SLIT1: variants seen among roughly 807,000 people sequenced by gnomAD.
The protein encoded by SLIT1 is slit homolog 1 protein.
SLIT1 carries 66 observed loss-of-function variants against 186.1 expected under a neutral mutation model. The ratio of observed to expected loss-of-function variants is 0.35; its 90% CI spans 0.29 to 0.44. The LOEUF is 0.44. Ranked by LOEUF, SLIT1 falls within the 20% of genes least tolerant of loss-of-function variation. The probability of loss-of-function intolerance (pLI) is 1.00; values close to 1 mark genes in which losing one functional copy is unlikely to be tolerated. For missense variants in SLIT1, 1,638 were observed against 2,037.4 expected (o/e 0.80, Z 3.77); for synonymous variants, 761 against 833.8 (o/e 0.91, Z 1.50).
chr10:97,114,743 T>C (rs1198767662), intron 4 of SLIT1, among the ~76,000 whole-genome samples: 1 of 152,186 alleles, frequency 6.6e-6, no homozygotes, highest in African/African-American at 2.4e-5. Context: ...GGAAGAGTCC[T>C]AAGGAAGCTC....
intron 4 of SLIT1, among the ~76,000 whole-genome samples, chr10:97,125,392 C>T (rs553735590): frequency 6.6e-6 from 1 of 152,100 alleles, no homozygotes; most frequent in East Asian, 1.9e-4. Context: ...AAAAATTAGC[C>T]AGGCCTGGTG....
rs1037149277 is a variant in SLIT1 at position 97,031,648 on chromosome 10, A to G, written c.2468T>C (p.Ile823Thr). ...LILSYNALQCIPPLAFQGLRS... is the reference protein window; with the variant it reads ...LILSYNALQCTPPLAFQGLRS... ...GAGTCCCTGGAAGGCCAAAGGCGGG[A>G]TGCACTGCAGGGCATTGTAGCTGAG... Residue 823 changes from isoleucine (I) to threonine (T), a missense_variant, in exon 24 of 37, where the codon ATC (isoleucine) becomes ACC (threonine). By Grantham distance (89) the Ile-to-Thr change is moderately conservative (BLOSUM62 -1). This residue lies in a region of SLIT1 where 1,245 missense variants were observed against 1,535.3 expected (regional missense o/e 0.81). Transcript: ENST00000266058. The G allele has an allele frequency of 3.9e-6, 6 of 1,552,174 alleles. No homozygotes were observed. The highest frequency in any genetic ancestry group is 4.4e-6 in the Non-Finnish European group (5 of 1,147,188).
In SLIT1 at chr10:97,039,840, C is replaced by A. The variant is rs965047907; in HGVS notation, c.2297+148G>T. The A allele has an allele frequency of 9.5e-6, 8 of 839,526 alleles. No homozygotes were observed. In the African/African-American group the frequency reaches 1.3e-4, roughly 13 times the overall value. 52.0% of individuals were successfully genotyped at this position (839,526 alleles called of 1,614,324 possible). On this transcript the variant is annotated intron_variant, in intron 21 of 36. Transcript: ENST00000266058. The stretch of plus-strand genomic sequence containing the variant: ...GCCTTTCTGGAGGCAGTGTTTTCTG[C>A]AAAGCCCGAACTCCAGCTCCTAGTC...
intron 28 of SLIT1, among the ~76,000 whole-genome samples, chr10:97,017,542 G>T (rs1646467003): frequency 6.6e-6 from 1 of 152,244 alleles, no homozygotes; most frequent in African/African-American, 2.4e-5. Flanking sequence ...TAAGAGATGG[G>T]GTCATTAGGG....
At chr10:97,128,405 GCT>G in intron 4 of SLIT1, among the ~76,000 whole-genome samples, 1 of 152,128 alleles carries the variant, frequency 6.6e-6, no homozygotes, top group Non-Finnish European at 1.5e-5. Flanking sequence ...ACGTGTGCAT[GCT>G]CACACTCTCC....
intron 3 of SLIT1, among the ~76,000 whole-genome samples, chr10:97,160,762 C>T (rs1850014244): frequency 6.6e-6 from 1 of 152,144 alleles, no homozygotes; most frequent in African/African-American, 2.4e-5. Context: ...GCTCTGTCGC[C>T]CAGGCTGGAC....
rs530247586 is a variant in SLIT1 at position 97,028,398 on chromosome 10, G to A, written c.2582+2359C>T. On this transcript the variant is annotated intron_variant, in intron 25 of 36. Transcript: ENST00000266058. Reference sequence around the variant, plus strand: ...GCAAACTCCCTAGCAGGCACAAATGGTCCTTCACAACAGAATTCCAATGTC... The same window carrying A: ...GCAAACTCCCTAGCAGGCACAAATGATCCTTCACAACAGAATTCCAATGTC... Among the ~76,000 whole-genome samples the A allele has an allele frequency of 1.2e-3, 182 of 151,844 alleles. 1 individual carries two copies. Among genetic ancestry groups the A allele is most frequent in the Non-Finnish European group, 2.1e-3 (146 of 67,936 alleles).
At chr10:97,166,660 G>GA (rs757719224) in intron 1 of SLIT1, among the ~76,000 whole-genome samples, 1 of 146,586 alleles carries the variant, frequency 6.8e-6, no homozygotes, top group Non-Finnish European at 1.5e-5. Context: ...GAAAAGAAAA[G>GA]AAAAGAGAAA....
Position 97,034,521 on chromosome 10 carries a change from G to A in SLIT1, c.2388C>T (p.Ile796=), listed in dbSNP as rs1289330200. ...LQLVDLSNNK[I]SSLSNSSFTN... is the part of the protein sequence containing the mutation. ...TGAAGGAGGAATTGCTTAAGGAACTGATCTTGTTGTTGCTCAGGTCCCTGG... is the reference window on the plus strand; with the variant it reads ...TGAAGGAGGAATTGCTTAAGGAACTAATCTTGTTGTTGCTCAGGTCCCTGG... Residue 796 remains isoleucine (I), a synonymous_variant, in exon 23 of 37, where the codon ATC becomes ATT. Coordinates refer to ENST00000266058, the MANE Select transcript of SLIT1 (RefSeq NM_003061.3). 1 of 1,613,630 alleles carries A rather than the reference G, an allele frequency of 6.2e-7. No individual in the cohort carries two copies. The highest frequency in any genetic ancestry group is 2.2e-5 in the East Asian group (1 of 44,840).
chr10:97,120,354 A>G (rs547178639), intron 4 of SLIT1, among the ~76,000 whole-genome samples: 16 of 152,226 alleles, frequency 1.1e-4, no homozygotes, highest in African/African-American at 3.9e-4. Flanking sequence ...CTCCTTTCCA[A>G]TGTCTGCTTT....
intron 4 of SLIT1, among the ~76,000 whole-genome samples, chr10:97,079,537 G>A (rs1849082717): frequency 6.6e-6 from 1 of 152,220 alleles, no homozygotes; most frequent in Non-Finnish European, 1.5e-5. Flanking sequence ...AGTCCCTGCT[G>A]GAGGAGACAA....
At chr10:97,135,559 G>T (rs1171131986) in intron 4 of SLIT1, among the ~76,000 whole-genome samples, 1 of 152,176 alleles carries the variant, frequency 6.6e-6, no homozygotes, top group Non-Finnish European at 1.5e-5. Flanking sequence ...CAATAGTGAG[G>T]AAGCCGGGGT....
At chr10:97,067,828 C>A (rs1049199972) in intron 4 of SLIT1, among the ~76,000 whole-genome samples, 3 of 152,206 alleles carry the variant, frequency 2.0e-5, no homozygotes, top group Non-Finnish European at 4.4e-5. Flanking sequence ...TCCTCCTGGG[C>A]CAGGCCCGTG....
At chr10:97,027,406 C>G (rs1160478750) in intron 25 of SLIT1, among the ~76,000 whole-genome samples, 1 of 152,230 alleles carries the variant, frequency 6.6e-6, no homozygotes, top group Non-Finnish European at 1.5e-5. Flanking sequence ...TATAAGTACA[C>G]ACACATCTTC....
intron 36 of SLIT1, among the ~76,000 whole-genome samples, chr10:97,001,878 G>A (rs532623363): frequency 6.6e-6 from 1 of 152,216 alleles, no homozygotes; most frequent in South Asian, 2.1e-4. Flanking sequence ...AGAGGCAGAG[G>A]TTGGGCCAGG....
chr10:97,171,320 C>T (rs1247074116), intron 1 of SLIT1, among the ~76,000 whole-genome samples: 1 of 152,156 alleles, frequency 6.6e-6, no homozygotes, highest in Non-Finnish European at 1.5e-5. Context: ...ATCCCACCTG[C>T]CAGCTGCAAC....
At chr10:97,051,261 C>CAA (rs5787214) in intron 13 of SLIT1, among the ~76,000 whole-genome samples, 4,014 of 147,874 alleles carry the variant, frequency 0.027, 165 homozygotes, top group African/African-American at 0.093. Context: ...AATCAAAATG[C>CAA]AAAAAAAAAA....
intron 4 of SLIT1, among the ~76,000 whole-genome samples, chr10:97,092,407 A>AAT (rs1438661793): frequency 6.6e-6 from 1 of 152,250 alleles, no homozygotes; most frequent in Non-Finnish European, 1.5e-5. Flanking sequence ...AGGATTTGTG[A>AAT]ATATGAGAAC....
intron 22 of SLIT1, among the ~76,000 whole-genome samples, chr10:97,036,851 T>C (rs1424114616): frequency 6.6e-6 from 1 of 152,174 alleles, no homozygotes; most frequent in East Asian, 1.9e-4. Context: ...TTGTATATTT[T>C]CATGGAGTAG....
Sources: allele counts gnomAD v4.1 joint callset (sites outside exome capture counted in the v4.1 genomes callset), GRCh38; gene constraint gnomAD v4.1.1; regional missense constraint gnomAD v4.1.1; transcripts MANE v1.5; gene names NCBI Gene and HGNC (gene_info 2026-07-23, HGNC 2026-07-21).